Variants in HTRA1 observed in about 807,000 individuals in gnomAD.
HTRA1 encodes the protein HtrA serine peptidase 1.
A neutral mutation model predicts 49.7 loss-of-function variants in HTRA1; 26 were observed. That is an observed-to-expected ratio of 0.52 (90% CI 0.38 to 0.73). The LOEUF is 0.73. Ranked by LOEUF, HTRA1 falls within the 30% of genes least tolerant of loss-of-function variation. HTRA1 has a pLI of 0.00. For synonymous variants in HTRA1, 291 were observed against 286.9 expected (o/e 1.01, Z -0.14); for missense variants, 561 against 667.2 (o/e 0.84, Z 1.75).
intron 1 of HTRA1, among the ~76,000 whole-genome samples, chr10:122,477,312 C>A (rs2097489085): frequency 6.6e-6 from 1 of 152,022 alleles, no homozygotes; most frequent in Non-Finnish European, 1.5e-5. Flanking sequence ...AAGGGGATGC[C>A]AAAGAAATAT....
At position 122,461,875 on chromosome 10, in the gene HTRA1, G is replaced by A; in HGVS notation, c.223G>A (p.Ala75Thr). 8.1e-7 allele frequency: 1 copy of A among 1,230,716 alleles called. No homozygotes were observed. 76.2% of individuals were successfully genotyped at this position (1,230,716 alleles called of 1,614,324 possible). Residue 75 changes from alanine (A) to threonine (T), a missense_variant, in exon 1 of 9, where the codon GCG becomes ACG. Around this residue, in one of 3 missense-constraint regions of HTRA1, gnomAD observed 271 missense variants for 410.0 expected, o/e 0.66. Coordinates refer to ENST00000368984, the MANE Select transcript of HTRA1 (RefSeq NM_002775.5). The stretch of plus-strand genomic sequence containing the variant: ...GGTGTGCGGCGCGCCCGAGGGCGCC[G>A]CGTGCGGCCTGCAGGAGGGCCCGTG... ...CEVCGAPEGA[A>T]CGLQEGPCGE... is the part of the protein sequence containing the mutation.
At chr10:122,477,191 T>C (rs546098157) in intron 1 of HTRA1, among the ~76,000 whole-genome samples, 1 of 152,054 alleles carries the variant, frequency 6.6e-6, no homozygotes, top group East Asian at 1.9e-4. Flanking sequence ...ACGGTCTCGA[T>C]CTCCTGACCT....
At chr10:122,470,543 C>G (rs765748140) in intron 1 of HTRA1, among the ~76,000 whole-genome samples, 1 of 152,028 alleles carries the variant, frequency 6.6e-6, no homozygotes, top group Non-Finnish European at 1.5e-5. Flanking sequence ...GGAGCTTTGT[C>G]AACTCCTAAA....
At chr10:122,463,002 G>A (rs566255429) in intron 1 of HTRA1, among the ~76,000 whole-genome samples, 10 of 152,392 alleles carry the variant, frequency 6.6e-5, no homozygotes, top group African/African-American at 2.4e-4. Context: ...TCTTCAGGCA[G>A]AGGCCATGTG....
intron 5 of HTRA1, among the ~76,000 whole-genome samples, chr10:122,507,675 C>G (rs544467472): frequency 1.3e-5 from 2 of 152,146 alleles, no homozygotes; most frequent in Admixed American, 6.5e-5. Context: ...CTCAGAGTTA[C>G]AGGTAAACAC....
intron 1 of HTRA1, among the ~76,000 whole-genome samples, chr10:122,479,224 A>C (rs1030098590): frequency 1.1e-4 from 16 of 152,152 alleles, no homozygotes; most frequent in Non-Finnish European, 2.1e-4. Context: ...CCCTGATCTC[A>C]CCGAGTGTGA....
At chr10:122,471,499 T>C (rs991510429) in intron 1 of HTRA1, among the ~76,000 whole-genome samples, 14 of 152,218 alleles carry the variant, frequency 9.2e-5, no homozygotes, top group Admixed American at 9.2e-4. Context: ...CCTGTTTGCA[T>C]GCATCTTGTG....
intron 1 of HTRA1, among the ~76,000 whole-genome samples, chr10:122,465,047 G>T (rs1393198979): frequency 6.6e-6 from 1 of 152,186 alleles, no homozygotes; most frequent in African/African-American, 2.4e-5. Context: ...CCCCAGGGAG[G>T]TGACTAGCAC....
chr10:122,503,082 G>A (rs969145921), intron 3 of HTRA1, among the ~76,000 whole-genome samples: 1 of 152,214 alleles, frequency 6.6e-6, no homozygotes, highest in Non-Finnish European at 1.5e-5. Context: ...GCCTGTGGCC[G>A]GTGCCGCTTT....
chr10:122,463,784 A>G (rs966599571), intron 1 of HTRA1, among the ~76,000 whole-genome samples: 3 of 152,206 alleles, frequency 2.0e-5, no homozygotes, highest in African/African-American at 7.2e-5. Flanking sequence ...ACTTAACTCC[A>G]AGGGTGTGGG....
chr10:122,477,122 C>T (rs2097488880), intron 1 of HTRA1, among the ~76,000 whole-genome samples: 1 of 152,006 alleles, frequency 6.6e-6, no homozygotes, highest in Non-Finnish European at 1.5e-5. Context: ...TGCCTGCCAC[C>T]ATGCCTGGCT....
rs1290918004 is a variant in HTRA1 at position 122,461,647 on chromosome 10, G to C, written c.-6G>C. The stretch of plus-strand genomic sequence containing the variant: ...CGCCGCCACCGCCGCCGCCGCCAGA[G>C]TCGCCATGCAGATCCCGCGCGCCGC... On this transcript the variant is annotated 5_prime_UTR_variant, in exon 1 of 9. Coordinates refer to ENST00000368984, the MANE Select transcript of HTRA1 (RefSeq NM_002775.5). 1 of 1,308,124 alleles carries C rather than the reference G, an allele frequency of 7.6e-7. No homozygotes were observed. The highest frequency in any genetic ancestry group is 9.9e-7 in the Non-Finnish European group (1 of 1,012,524). The allele number at this position is 1,308,124 out of a possible 1,614,324, so 81.0% of individuals were successfully genotyped here. A position where few individuals can be genotyped will look rare whatever the true frequency, so the allele number is the denominator to read the frequency against.
chr10:122,478,438 G>A (rs538149879), intron 1 of HTRA1, among the ~76,000 whole-genome samples: 1 of 133,884 alleles, frequency 7.5e-6, no homozygotes, highest in African/African-American at 2.9e-5. Context: ...TGTTGCCCAG[G>A]CTGGAGTGCA....
At chr10:122,509,139 A>G (rs1331209455) in intron 6 of HTRA1, among the ~76,000 whole-genome samples, 4 of 152,098 alleles carry the variant, frequency 2.6e-5, no homozygotes, top group Non-Finnish European at 5.9e-5. Flanking sequence ...CATTCTGCAA[A>G]CGTTTATTGC....
At chr10:122,480,182 G>A (rs1158028063) in intron 1 of HTRA1, among the ~76,000 whole-genome samples, 3 of 152,190 alleles carry the variant, frequency 2.0e-5, no homozygotes, top group African/African-American at 7.2e-5. Flanking sequence ...GCTGTACGGG[G>A]CAGAAGTGGG....
intron 1 of HTRA1, among the ~76,000 whole-genome samples, chr10:122,483,301 G>A (rs2300431): frequency 0.27 from 41,443 of 152,076 alleles, 5,924 homozygotes; most frequent in South Asian, 0.44. Flanking sequence ...ATCATTTATT[G>A]TCTTGGGATT....
At chr10:122,505,886 C>G (rs1406825651) in intron 3 of HTRA1, among the ~76,000 whole-genome samples, 1 of 152,208 alleles carries the variant, frequency 6.6e-6, no homozygotes, top group Non-Finnish European at 1.5e-5. Flanking sequence ...TCTGTGGTTC[C>G]CCCCAGCTCC....
intron 3 of HTRA1, among the ~76,000 whole-genome samples, chr10:122,493,887 C>G (rs1342185583): frequency 2.0e-5 from 3 of 151,468 alleles, no homozygotes; most frequent in Non-Finnish European, 4.4e-5. Context: ...CTCAGACACC[C>G]CTTCCTTGGT....
chr10:122,492,020 T>C (rs2097496098), intron 3 of HTRA1, among the ~76,000 whole-genome samples: 1 of 152,174 alleles, frequency 6.6e-6, no homozygotes, highest in African/African-American at 2.4e-5. Flanking sequence ...AAGCTCTGGC[T>C]GGCCTTGCTT....
Sources: gnomAD v4.1 joint callset for allele counts (sites outside exome capture counted in the v4.1 genomes callset) on GRCh38, gnomAD v4.1.1 for gene constraint, gnomAD v4.1.1 regional missense constraint, MANE v1.5 for transcripts, NCBI Gene and HGNC (gene_info 2026-07-23, HGNC 2026-07-21) for gene names.